Variants in CEP152 observed in about 807,000 individuals in gnomAD.
CEP152 encodes centrosomal protein 152.
Under a neutral mutation model 188.9 loss-of-function variants are expected in CEP152, and 132 were observed. The ratio of observed to expected loss-of-function variants is 0.70; its 90% confidence interval spans 0.61 to 0.81. The LOEUF (loss-of-function observed/expected upper bound fraction) is 0.81. Ranked by LOEUF, CEP152 falls within the 30% of genes least tolerant of loss-of-function variation. CEP152 has a pLI of 0.00. For missense variants in CEP152, 1,914 were observed against 1,969.8 expected (o/e 0.97, Z 0.54); for synonymous variants, 649 against 666.6 (o/e 0.97, Z 0.41).
intron 2 of CEP152, among the ~76,000 whole-genome samples, chr15:48,732,780 T>G (rs549671804): frequency 6.6e-6 from 1 of 152,108 alleles, no homozygotes; most frequent in East Asian, 1.9e-4. Flanking sequence ...ACATTTGTAA[T>G]AGCTGCTTTG....
Position 48,760,094 on chromosome 15 carries a change from T to C in CEP152, c.2694+41A>G, listed in dbSNP as rs184479987. ...GACTGAGATAAGAGAAGGGGTCAGG[T>C]AAGACAGCCTCCTGAAGTGTCTTTG... On this transcript the variant is annotated intron_variant, in intron 19 of 26. Transcript: ENST00000380950. 2,188 of 1,613,254 alleles carry C rather than the reference T, an allele frequency of 1.4e-3. 3 individuals carry two copies. The highest frequency in any genetic ancestry group is 1.7e-3 in the Non-Finnish European group (2,055 of 1,179,520).
rs200227733 is a variant in CEP152, at chr15:48,798,006, C to T, written c.133G>A (p.Asp45Asn). 199 of 1,613,846 alleles carry T rather than the reference C, an allele frequency of 1.2e-4. No individual in the cohort carries two copies. Among genetic ancestry groups the T allele is most frequent in the Middle Eastern group, 1.6e-4 (1 of 6,080 alleles). ...TDLPHDMLDD[D>N]LSSPELQYSD... Reference sequence around the variant, plus strand: ...TACTGGAGCTCTGGAGAGGAGAGGTCGTCATCCAGCATGTCATGGGGAAGG... The same window carrying T: ...TACTGGAGCTCTGGAGAGGAGAGGTTGTCATCCAGCATGTCATGGGGAAGG... Residue 45 changes from aspartate (D) to asparagine (N), a missense_variant, in exon 3 of 27, where the codon GAC becomes AAC. By Grantham distance (23) the Asp-to-Asn change is conservative. Coordinates refer to ENST00000380950, the MANE Select transcript of CEP152 (RefSeq NM_001194998.2).
At chr15:48,740,505 T>C (rs1892871962) in intron 26 of CEP152, 1 of 152,054 alleles carries the variant, frequency 6.6e-6, no homozygotes, top group African/African-American at 2.4e-5. Context: ...CCACGCTCTC[T>C]AGGTTTTTTT....
At chr15:48,800,138 A>G (rs541863639) in intron 2 of CEP152, among the ~76,000 whole-genome samples, 6 of 152,342 alleles carry the variant, frequency 3.9e-5, no homozygotes, top group Non-Finnish European at 7.4e-5. Flanking sequence ...TGGCATCCAC[A>G]GAGAAAAATT....
intron 22 of CEP152, among the ~76,000 whole-genome samples, chr15:48,746,352 T>C (rs947745064): frequency 6.6e-6 from 1 of 152,120 alleles, no homozygotes; most frequent in Non-Finnish European, 1.5e-5. Flanking sequence ...TTATAAATAA[T>C]AGTCATATCC....
At chr15:48,766,546 T>C (rs117697011) in intron 17 of CEP152, among the ~76,000 whole-genome samples, 3 of 152,334 alleles carry the variant, frequency 2.0e-5, no homozygotes, top group Non-Finnish European at 4.4e-5. Flanking sequence ...ACGAAGATGC[T>C]GACCTTGCTG....
chr15:48,791,136 A>G (rs1896961311), intron 8 of CEP152, 101 bp downstream of exon 8: 5 of 1,017,440 alleles, frequency 4.9e-6, no homozygotes, highest in East Asian at 5.1e-5. Flanking sequence ...TGCTTTGTCA[A>G]TAACTTCAAA....
Position 48,791,244 on chromosome 15 carries a change from T to C in CEP152, c.965A>G (p.Glu322Gly), listed in dbSNP as rs2140884554. The C allele has an allele frequency of 6.2e-7, 1 of 1,611,584 alleles. No individual in the cohort carries two copies. The highest frequency in any genetic ancestry group is 2.2e-5 in the East Asian group (1 of 44,802). Reference protein sequence around the residue: ...ETQIQALKVNEEQMIKKSRTT... With the variant: ...ETQIQALKVNGEQMIKKSRTT... Reference sequence around the variant, plus strand: ...ATAAGTTAAAATAGGTACCTGTTCTTCATTGACTTTTAATGCTTGTATCTG... The same window carrying C: ...ATAAGTTAAAATAGGTACCTGTTCTCCATTGACTTTTAATGCTTGTATCTG... Residue 322 changes from glutamate to glycine, a missense_variant, in exon 8 of 27, where the codon GAA becomes GGA. Physicochemically the swap from Glu to Gly is moderately conservative, Grantham distance 98. Coordinates refer to ENST00000380950, the MANE Select transcript of CEP152 (RefSeq NM_001194998.2).
chr15:48,785,401 C>A (rs766775621), intron 9 of CEP152, among the ~76,000 whole-genome samples: 1 of 151,740 alleles, frequency 6.6e-6, no homozygotes, highest in Non-Finnish European at 1.5e-5. Flanking sequence ...CACACTGCTG[C>A]GAATTCCAGG....
intron 1 of CEP152, among the ~76,000 whole-genome samples, chr15:48,809,665 TG>T (rs1410465835): frequency 6.6e-6 from 1 of 152,148 alleles, no homozygotes; most frequent in Admixed American, 6.5e-5. Flanking sequence ...GTTAAAGAAA[TG>T]GGGGTAAAAA....
At chr15:48,802,205 A>G (rs985585815) in intron 2 of CEP152, among the ~76,000 whole-genome samples, 1 of 152,210 alleles carries the variant, frequency 6.6e-6, no homozygotes, top group Non-Finnish European at 1.5e-5. Flanking sequence ...GAGTGAGTTA[A>G]TACAAGAGCT....
intron 12 of CEP152, 46 bp from the exon 13 acceptor site, chr15:48,772,737 C>G (rs746129321): frequency 1.3e-6 from 2 of 1,526,656 alleles, no homozygotes; most frequent in Admixed American, 3.3e-5. Flanking sequence ...AGTAATAAAT[C>G]AGACATGGTT....
intron 9 of CEP152, among the ~76,000 whole-genome samples, chr15:48,786,575 G>A (rs1896647132): frequency 1.3e-5 from 2 of 152,258 alleles, no homozygotes; most frequent in South Asian, 2.1e-4. Flanking sequence ...TGGATATGTG[G>A]CATGATGCCG....
At chr15:48,794,903 G>T (rs1190613400) in intron 6 of CEP152, among the ~76,000 whole-genome samples, 1 of 152,168 alleles carries the variant, frequency 6.6e-6, no homozygotes, top group Non-Finnish European at 1.5e-5. Context: ...GCCTCCCCCT[G>T]TAACTACCCT....
chr15:48,741,778 T>C, intron 25 of CEP152, 74 bp from the exon 26 acceptor site: 1 of 1,611,056 alleles, frequency 6.2e-7, no homozygotes, highest in Non-Finnish European at 8.5e-7. Context: ...ATGGTTTCTG[T>C]TTTCCTATTG....
At position 48,799,787 on chromosome 15, in the gene CEP152, A is replaced by C. The variant is rs1164655490; in HGVS notation, c.88-1736T>G. Among the ~76,000 whole-genome samples, 10 of 152,240 alleles carry C rather than the reference A, an allele frequency of 6.6e-5. No homozygotes were observed. In the East Asian group the frequency reaches 1.7e-3, roughly 26 times the overall value. On this transcript the variant is annotated intron_variant, in intron 2 of 26. Coordinates refer to ENST00000380950, the MANE Select transcript of CEP152 (RefSeq NM_001194998.2). Reference sequence around the variant, plus strand: ...ATGAAAGGTAGCAAAGCAATTCTACAAAGACACAAATGCACTAGAGAAAAA... The same window carrying C: ...ATGAAAGGTAGCAAAGCAATTCTACCAAGACACAAATGCACTAGAGAAAAA...
In CEP152 at chr15:48,752,386, A is replaced by G. The variant is rs138151279; in HGVS notation, c.3429T>C (p.Ala1143=). 2 of 1,613,938 alleles carry G rather than the reference A, an allele frequency of 1.2e-6. No homozygotes were observed. The highest frequency in any genetic ancestry group is 2.7e-5 in the African/African-American group (2 of 74,928). Residue 1143 remains alanine, a synonymous_variant, in exon 21 of 27, where the codon GCT becomes GCC. Coordinates refer to ENST00000380950, the MANE Select transcript of CEP152 (RefSeq NM_001194998.2). ...GDPGPAAGHH[A]QPLALQATEA... ...CTGTTGCTTGTAAGGCCAAGGGCTG[A>G]GCATGGTGTCCAGCAGCAGGTCCAG... is the stretch of plus-strand genomic sequence containing the variant.
chr15:48,754,372 T>G (rs1440277353), intron 20 of CEP152, among the ~76,000 whole-genome samples: 1 of 152,188 alleles, frequency 6.6e-6, no homozygotes, highest in Non-Finnish European at 1.5e-5. Context: ...CATAGTTTCT[T>G]GATTTTTATA....
intron 9 of CEP152, among the ~76,000 whole-genome samples, chr15:48,785,102 G>A (rs1380066157): frequency 6.6e-6 from 1 of 152,144 alleles, no homozygotes; most frequent in Non-Finnish European, 1.5e-5. Flanking sequence ...GGGCTTTGAA[G>A]TAGAGAAAAG....
Sources: allele counts gnomAD v4.1 joint callset (sites outside exome capture counted in the v4.1 genomes callset), GRCh38; gene constraint gnomAD v4.1.1; transcripts MANE v1.5; gene names NCBI Gene and HGNC (gene_info 2026-07-23, HGNC 2026-07-21).